Variants in CSNK1G1 observed in about 807,000 individuals in gnomAD.
CSNK1G1 encodes casein kinase 1 gamma 1.
Under a neutral mutation model 59.6 loss-of-function variants are expected in CSNK1G1, and 22 were observed. The observed-to-expected ratio is 0.37, with a 90% CI of 0.26 to 0.53. The LOEUF (loss-of-function observed/expected upper bound fraction) is 0.53. CSNK1G1 is among the 20% of genes least tolerant of loss of function. CSNK1G1 has a pLI of 0.89. For synonymous variants in CSNK1G1, 179 were observed against 177.1 expected (o/e 1.01, Z -0.08); for missense variants, 384 against 519.5 (o/e 0.74, Z 2.54).
At chr15:64,194,729 C>T (rs2082018576) in intron 10 of CSNK1G1, among the ~76,000 whole-genome samples, 3 of 151,732 alleles carry the variant, frequency 2.0e-5, no homozygotes, top group Admixed American at 6.6e-5. Flanking sequence ...TTGGTCAGGC[C>T]GGTTTTGAAC....
intron 1 of CSNK1G1, among the ~76,000 whole-genome samples, chr15:64,330,280 A>C (rs1364520448): frequency 4.0e-5 from 5 of 126,404 alleles, no homozygotes; most frequent in Middle Eastern, 3.9e-3. Context: ...TCCTCAATAA[A>C]ATACTGGCAA....
Position 64,216,044 on chromosome 15 carries a change from T to C in CSNK1G1, c.444+518A>G, listed in dbSNP as rs1045506261. On this transcript the variant is annotated intron_variant, in intron 5 of 11. Transcript: ENST00000303052. This position sits in a 1 kb window ranked among gnomAD's most constrained non-coding sequence, Gnocchi z 4.6. ...CCAGTTTAGACAAGCCTGGGCAACA[T>C]AGTGGGAGTCTGTCTCCAAAACACT... Among the ~76,000 whole-genome samples, 10 of 151,960 alleles carry C rather than the reference T, an allele frequency of 6.6e-5. No homozygotes were observed. Among genetic ancestry groups the C allele is most frequent in the Middle Eastern group, 6.8e-3 (2 of 294 alleles).
chr15:64,302,057 C>T (rs1345451674), intron 1 of CSNK1G1, among the ~76,000 whole-genome samples: 1 of 152,106 alleles, frequency 6.6e-6, no homozygotes, highest in Non-Finnish European at 1.5e-5. Flanking sequence ...GCTGACTGTA[C>T]AAGTGGGCAC....
intron 2 of CSNK1G1, among the ~76,000 whole-genome samples, chr15:64,263,692 G>A (rs1410964558): frequency 6.6e-6 from 1 of 151,944 alleles, no homozygotes; most frequent in African/African-American, 2.4e-5. Context: ...AGCCTTGTCT[G>A]GAGTGCTAAG....
At chr15:64,268,258 T>A (rs1363285208) in intron 2 of CSNK1G1, among the ~76,000 whole-genome samples, 3 of 152,138 alleles carry the variant, frequency 2.0e-5, no homozygotes, top group African/African-American at 7.2e-5. Flanking sequence ...CACTTATATG[T>A]GGAATCTAGG....
At chr15:64,266,458 C>T (rs748008258) in intron 2 of CSNK1G1, among the ~76,000 whole-genome samples, 2 of 152,056 alleles carry the variant, frequency 1.3e-5, no homozygotes, top group Non-Finnish European at 2.9e-5. Flanking sequence ...AAGCGATCTA[C>T]AAGATTCAAT....
chr15:64,251,356 G>C (rs1892072531), intron 4 of CSNK1G1, 156 bp downstream of exon 4: 4 of 555,980 alleles, frequency 7.2e-6, no homozygotes, highest in Non-Finnish European at 1.3e-5. Context: ...CAGAGCGCAA[G>C]TAGCTTTGTG....
intron 2 of CSNK1G1, among the ~76,000 whole-genome samples, chr15:64,273,690 C>T (rs2140353459): frequency 6.7e-6 from 1 of 148,556 alleles, no homozygotes; most frequent in South Asian, 2.1e-4. Context: ...TGTCTTGGGC[C>T]ACACATAAAA....
intron 1 of CSNK1G1, among the ~76,000 whole-genome samples, chr15:64,349,290 T>C (rs1324110035): frequency 2.6e-5 from 4 of 152,172 alleles, no homozygotes; most frequent in Non-Finnish European, 5.9e-5. Flanking sequence ...GGCAAATTTA[T>C]GTAGCATTTT....
intron 10 of CSNK1G1, among the ~76,000 whole-genome samples, chr15:64,186,325 C>T (rs746907711): frequency 3.3e-5 from 5 of 152,096 alleles, no homozygotes; most frequent in Non-Finnish European, 5.9e-5. Flanking sequence ...AGTGGCCAGG[C>T]TGGTCTTGAA....
intron 10 of CSNK1G1, among the ~76,000 whole-genome samples, chr15:64,198,192 CT>C (rs893282431): frequency 0.043 from 4,772 of 110,568 alleles, 47 homozygotes; most frequent in South Asian, 0.067. Context: ...ACAGGATATA[CT>C]TTTTTTTTTT....
intron 1 of CSNK1G1, among the ~76,000 whole-genome samples, chr15:64,326,357 G>C (rs1464733516): frequency 6.6e-6 from 1 of 152,124 alleles, no homozygotes; most frequent in African/African-American, 2.4e-5. Flanking sequence ...TAAAAAAGTA[G>C]TTTAGGCCAG....
intron 4 of CSNK1G1, among the ~76,000 whole-genome samples, chr15:64,234,956 G>A (rs2082595996): frequency 6.6e-6 from 1 of 152,106 alleles, no homozygotes; most frequent in African/African-American, 2.4e-5. Context: ...GGCTATGCAG[G>A]AGGCCTTTTC....
intron 6 of CSNK1G1, among the ~76,000 whole-genome samples, chr15:64,212,783 ATC>A (rs2082264671): frequency 6.6e-6 from 1 of 152,188 alleles, no homozygotes; most frequent in African/African-American, 2.4e-5. Context: ...AGGCAGGCAG[ATC>A]ACTTAAGGCC....
chr15:64,201,877 A>T (rs2082114531), intron 10 of CSNK1G1, among the ~76,000 whole-genome samples: 1 of 152,070 alleles, frequency 6.6e-6, no homozygotes, highest in African/African-American at 2.4e-5. Flanking sequence ...AGCTAATTTG[A>T]TATGTGATAA....
intron 4 of CSNK1G1, among the ~76,000 whole-genome samples, chr15:64,234,037 C>T (rs1596135293): frequency 6.6e-6 from 1 of 152,274 alleles, no homozygotes; most frequent in East Asian, 1.9e-4. Flanking sequence ...AAGATGACCA[C>T]ACCACACTTT....
At position 64,167,469 on chromosome 15, in the gene CSNK1G1, A is replaced by G. The variant is rs142237852; in HGVS notation, c.*4462T>C. On this transcript the variant is annotated 3_prime_UTR_variant, in exon 12 of 12. Coordinates refer to ENST00000303052, the MANE Select transcript of CSNK1G1 (RefSeq NM_022048.5). ...CTTCCCTGGAGTCTGCAAAAGCAAGAACCCGAGAGATAAGTGCCTGTCACT... is the reference window on the plus strand; with the variant it reads ...CTTCCCTGGAGTCTGCAAAAGCAAGGACCCGAGAGATAAGTGCCTGTCACT... 9 of 152,788 alleles carry G rather than the reference A, an allele frequency of 5.9e-5. No homozygotes were observed. The highest frequency in any genetic ancestry group is 2.2e-4 in the African/African-American group (9 of 41,590). 9.5% of individuals were successfully genotyped at this position (152,788 alleles called of 1,614,324 possible).
intron 4 of CSNK1G1, among the ~76,000 whole-genome samples, chr15:64,231,362 T>A (rs1316523876): frequency 6.8e-6 from 1 of 147,590 alleles, no homozygotes; most frequent in Non-Finnish European, 1.5e-5. Flanking sequence ...TTATATTTTA[T>A]ATTTATATAA....
intron 10 of CSNK1G1, among the ~76,000 whole-genome samples, chr15:64,184,554 G>A (rs1252442840): frequency 6.6e-6 from 1 of 150,922 alleles, no homozygotes; most frequent in Non-Finnish European, 1.5e-5. Flanking sequence ...GCGGGCGCCT[G>A]TAATCCCAGC....
Sources: allele counts gnomAD v4.1 joint callset (sites outside exome capture counted in the v4.1 genomes callset), GRCh38; gene constraint gnomAD v4.1.1; non-coding constraint Gnocchi (gnomAD v3.1); transcripts MANE v1.5; gene names NCBI Gene and HGNC (gene_info 2026-07-23, HGNC 2026-07-21).